Variants in MRPS5 observed in about 807,000 individuals in gnomAD.
MRPS5 encodes the protein mitochondrial ribosomal protein S5.
MRPS5 carries 27 observed loss-of-function variants against 51.9 expected under a neutral mutation model. The observed-to-expected ratio is 0.52, with a 90% CI of 0.38 to 0.72. The LOEUF (loss-of-function observed/expected upper bound fraction) is 0.72. MRPS5 is among the 30% of genes least tolerant of loss of function. The pLI, the probability that MRPS5 is intolerant of heterozygous loss-of-function variation, is 0.00. For synonymous variants in MRPS5, 196 were observed against 193.2 expected (o/e 1.01, Z -0.12); for missense variants, 570 against 545.7 (o/e 1.04, Z -0.44).
intron 2 of MRPS5, among the ~76,000 whole-genome samples, chr2:95,115,536 G>A (rs1408015466): frequency 2.0e-5 from 3 of 152,206 alleles, no homozygotes; most frequent in Admixed American, 6.5e-5. Context: ...GCTGTAAACA[G>A]CCAGCAACGT....
intron 3 of MRPS5, among the ~76,000 whole-genome samples, chr2:95,111,381 CCAAT>C (rs1248598425): frequency 6.6e-6 from 1 of 152,146 alleles, no homozygotes; most frequent in Admixed American, 6.5e-5. Context: ...TACTAAGAGG[CCAAT>C]CAATCACAGA....
intron 1 of MRPS5, among the ~76,000 whole-genome samples, chr2:95,118,659 TCA>T (rs1180907131): frequency 1.3e-5 from 2 of 152,236 alleles, no homozygotes; most frequent in Non-Finnish European, 2.9e-5. Flanking sequence ...GTGTACCCTC[TCA>T]CACAGTGTGG....
Position 95,086,276 on chromosome 2 carries a change from C to T in MRPS5, c.*1081G>A, listed in dbSNP as rs1213352027. Among the ~76,000 whole-genome samples the T allele has an allele frequency of 1.3e-5, 2 of 151,940 alleles. No individual in the cohort carries two copies. The highest frequency in any genetic ancestry group is 4.8e-5 in the African/African-American group (2 of 41,356). On this transcript the variant is annotated 3_prime_UTR_variant, in exon 12 of 12. Transcript: ENST00000272418. ...AAATGCTTCAGTGAGCAATTATAAA[C>T]ACTCTTGAAGCCATTTAAAGAAAAA...
intron 7 of MRPS5, chr2:95,104,398 C>T: frequency 5.7e-6 from 3 of 527,226 alleles, no homozygotes; most frequent in Admixed American, 3.2e-5. Flanking sequence ...ATAATGTCTT[C>T]AGCCTTTTAT....
At position 95,121,793 on chromosome 2, in the gene MRPS5, C is replaced by T. The variant is rs1365240022; in HGVS notation, c.-2G>A. ...CACAGCGCGCACCGCGGTCGCCATGCTGGAGTCCGAGCCGCGCCTCGGCCT... is the reference window on the plus strand; with the variant it reads ...CACAGCGCGCACCGCGGTCGCCATGTTGGAGTCCGAGCCGCGCCTCGGCCT... On this transcript the variant is annotated 5_prime_UTR_variant, in exon 1 of 12. Transcript: ENST00000272418. 10 of 1,545,510 alleles carry T rather than the reference C, an allele frequency of 6.5e-6. No homozygotes were observed. The South Asian group carries it at 1.1e-4, about 16-fold the overall frequency.
At chr2:95,106,315 T>C (rs1378813684) in intron 6 of MRPS5, 108 bp downstream of exon 6, 25 of 879,786 alleles carry the variant, frequency 2.8e-5, no homozygotes, top group Middle Eastern at 2.4e-4. Flanking sequence ...GTGTCAGAAA[T>C]AGTCATGCAT....
At chr2:95,121,960 G>C (rs1676472503), upstream of MRPS5, 1 of 741,412 alleles carries the variant, frequency 1.3e-6, no homozygotes, top group Middle Eastern at 3.8e-4. Flanking sequence ...GGGCCACACT[G>C]CAGGCGGAGC....
At chr2:95,099,646 A>G (rs1055541466) in intron 10 of MRPS5, among the ~76,000 whole-genome samples, 6 of 152,148 alleles carry the variant, frequency 3.9e-5, no homozygotes, top group African/African-American at 1.4e-4. Flanking sequence ...TCCACTCAAC[A>G]CCTTTTCTAA....
chr2:95,119,929 G>A (rs1025304669), intron 1 of MRPS5, among the ~76,000 whole-genome samples: 1 of 152,196 alleles, frequency 6.6e-6, no homozygotes, highest in Non-Finnish European at 1.5e-5. Context: ...CGGGCATGGT[G>A]GCATGCACCT....
At chr2:95,110,712 G>C (rs1676094031) in intron 3 of MRPS5, among the ~76,000 whole-genome samples, 3 of 152,146 alleles carry the variant, frequency 2.0e-5, no homozygotes, top group Admixed American at 2.0e-4. Flanking sequence ...TGAGGTGGGA[G>C]GGTCACTTGA....
intron 1 of MRPS5, among the ~76,000 whole-genome samples, chr2:95,118,804 G>C (rs1302977239): frequency 2.0e-5 from 3 of 152,152 alleles, no homozygotes; most frequent in Non-Finnish European, 2.9e-5. Flanking sequence ...ACATGTAAAA[G>C]AATGAAGTTG....
intron 4 of MRPS5, among the ~76,000 whole-genome samples, chr2:95,109,578 A>G (rs533943908): frequency 1.3e-5 from 2 of 152,380 alleles, no homozygotes; most frequent in Admixed American, 1.3e-4. Context: ...TCACAATGCC[A>G]GAAACATTTA....
At chr2:95,087,696 G>A (rs1675338540) in intron 11 of MRPS5, 115 bp from the exon 12 acceptor site, 17 of 827,818 alleles carry the variant, frequency 2.1e-5, no homozygotes, top group Non-Finnish European at 3.2e-5. Context: ...GGCCATTTCA[G>A]TGGATTTGGG....
intron 2 of MRPS5, among the ~76,000 whole-genome samples, chr2:95,116,501 CTG>C (rs1346475066): frequency 6.6e-6 from 1 of 152,192 alleles, no homozygotes; most frequent in African/African-American, 2.4e-5. Flanking sequence ...TTAAAATACA[CTG>C]TTACAACCAA....
intron 2 of MRPS5, among the ~76,000 whole-genome samples, chr2:95,115,518 C>T (rs1038701637): frequency 2.6e-5 from 4 of 152,294 alleles, no homozygotes; most frequent in African/African-American, 7.2e-5. Flanking sequence ...GGGCAATTGG[C>T]GCCCTCTGCT....
chr2:95,089,900 G>C (rs533111835), intron 11 of MRPS5, among the ~76,000 whole-genome samples: 1 of 152,126 alleles, frequency 6.6e-6, no homozygotes, highest in African/African-American at 2.4e-5. Flanking sequence ...TTTTCAGGCC[G>C]GGCGCGGTGG....
At chr2:95,091,394 C>T (rs1558675539) in intron 10 of MRPS5, 3 of 152,614 alleles carry the variant, frequency 2.0e-5, no homozygotes, top group African/African-American at 7.2e-5. Context: ...AGGTGGCATC[C>T]TTCCTTCTGC....
chr2:95,100,840 T>C lies in MRPS5; in HGVS notation c.865A>G (p.Thr289Ala). 6.3e-7 allele frequency: 1 copy of C among 1,597,206 alleles called. No homozygotes were observed. Among genetic ancestry groups the C allele is most frequent in the Non-Finnish European group, 8.5e-7 (1 of 1,174,292 alleles). The change falls in exon 9 of 12, where the codon ACA becomes GCA. Residue 289 changes from threonine (T) to alanine (A), a missense_variant. Thr to Ala is a moderately conservative substitution (Grantham distance 58). Coordinates refer to ENST00000272418, the MANE Select transcript of MRPS5 (RefSeq NM_031902.5). ...AAAAAAATAGATTATCACTCACTTG[T>C]ATGGTCTTCATATCGTTCTATATAA... ...LHYIERYEDH[T>A]IFHDISLRFK...
chr2:95,089,947 G>A (rs1311965012), intron 11 of MRPS5, among the ~76,000 whole-genome samples: 2 of 151,924 alleles, frequency 1.3e-5, no homozygotes, highest in Non-Finnish European at 2.9e-5. Flanking sequence ...GGAGGCCGAG[G>A]CGGGCGGATC....
Sources: gnomAD v4.1 joint callset for allele counts (sites outside exome capture counted in the v4.1 genomes callset) on GRCh38, gnomAD v4.1.1 for gene constraint, MANE v1.5 for transcripts, NCBI Gene and HGNC (gene_info 2026-07-23, HGNC 2026-07-21) for gene names.